Variants in ABL2 observed in about 807,000 individuals in gnomAD.
The protein encoded by ABL2 is ABL proto-oncogene 2, non-receptor tyrosine kinase, also known as tyrosine-protein kinase ABL2.
Under a neutral mutation model 107.7 loss-of-function variants are expected in ABL2, and 49 were observed. The ratio of observed to expected loss-of-function variants is 0.45; its 90% CI spans 0.36 to 0.58. The LOEUF (loss-of-function observed/expected upper bound fraction) is 0.58, where lower values mean the gene tolerates loss of function less well. Among genes scored for constraint, ABL2 ranks in the 20% least tolerant of loss-of-function variants. The pLI, the probability that ABL2 is intolerant of heterozygous loss-of-function variation, is 0.00. For missense variants in ABL2, 1,245 were observed against 1,457.0 expected (o/e 0.85, Z 2.37); for synonymous variants, 549 against 548.6 (o/e 1.00, Z -0.01).
chr1:179,123,712 C>T (rs910806173), intron 4 of ABL2, among the ~76,000 whole-genome samples: 1 of 152,150 alleles, frequency 6.6e-6, no homozygotes, highest in Non-Finnish European at 1.5e-5. Context: ...TCACTGCAGC[C>T]TTGACCTCCC....
chr1:179,133,137 G>A (rs28914509), intron 2 of ABL2, among the ~76,000 whole-genome samples, 175 bp downstream of exon 2: 1,674 of 152,260 alleles, frequency 0.011, 26 homozygotes, highest in African/African-American at 0.038. Flanking sequence ...GATTACAAAC[G>A]TGAGCCACCA....
intron 1 of ABL2, among the ~76,000 whole-genome samples, chr1:179,164,240 C>T (rs536384865): frequency 2.0e-4 from 30 of 152,246 alleles, no homozygotes; most frequent in African/African-American, 5.1e-4. Context: ...TGTTGAAGCA[C>T]ATTTTCATGC....
rs748110886 is a variant in ABL2 at position 179,120,206 on chromosome 1, A to G, written c.1029T>C (p.Asn343=). ...AAVMKEIKHP[N]LVQLLGVCTL... is the part of the protein sequence containing the mutation. ...GTTCCTCACCTAAAAGTTGTACCAG[A>G]TTAGGATGCTTGATTTCCTTCATTA... The change falls in exon 6 of 12, where the codon AAT becomes AAC. Residue 343 remains asparagine, a synonymous_variant. Transcript: ENST00000502732. The G allele has an allele frequency of 6.2e-7, 1 of 1,605,884 alleles. No individual in the cohort carries two copies. The highest frequency in any genetic ancestry group is 8.5e-7 in the Non-Finnish European group (1 of 1,175,620).
At chr1:179,188,174 A>T (rs955698655) in intron 1 of ABL2, among the ~76,000 whole-genome samples, 2 of 152,192 alleles carry the variant, frequency 1.3e-5, no homozygotes, top group African/African-American at 4.8e-5. Context: ...CTCAAAAGCC[A>T]AAAGTTTGAC....
In ABL2 at chr1:179,140,672, A is replaced by C. The variant is rs547016040; in HGVS notation, c.158-7298T>G. 1.2e-4 allele frequency among the ~76,000 whole-genome samples: 19 copies of C among 152,338 alleles called. No homozygotes were observed. In the South Asian group the frequency reaches 3.9e-3, roughly 32 times the overall value. ...TACTCACAGAGGATGCTATGAGAGG[A>C]AAGAATATAAAACAAAACTCTAGAG... On this transcript the variant is annotated intron_variant, in intron 1 of 11. Transcript: ENST00000502732.
intron 1 of ABL2, among the ~76,000 whole-genome samples, chr1:179,156,232 C>G (rs983083012): frequency 6.6e-6 from 1 of 152,166 alleles, no homozygotes; most frequent in African/African-American, 2.4e-5. Flanking sequence ...GTACTGGCTG[C>G]AAGCTATTTC....
intron 1 of ABL2, among the ~76,000 whole-genome samples, chr1:179,203,300 T>C (rs1173363808): frequency 6.6e-6 from 1 of 152,200 alleles, no homozygotes; most frequent in Non-Finnish European, 1.5e-5. Context: ...CTCTCTTCTG[T>C]TGCCTTTGTA....
rs142109618 is a variant in ABL2, at chr1:179,157,017, C to T, written c.158-23643G>A. Reference sequence around the variant, plus strand: ...CAATAAAGCTCATTGTTATCGCTGGCTTTATTTATGAGAGGTAAAAATCAT... The same window carrying T: ...CAATAAAGCTCATTGTTATCGCTGGTTTTATTTATGAGAGGTAAAAATCAT... On this transcript the variant is annotated intron_variant, in intron 1 of 11. Coordinates refer to ENST00000502732, the MANE Select transcript of ABL2 (RefSeq NM_007314.4). Among the ~76,000 whole-genome samples, 188 of 152,166 alleles carry T rather than the reference C, an allele frequency of 1.2e-3. 1 individual carries two copies. Among genetic ancestry groups the T allele is most frequent in the Admixed American group, 8.7e-3 (133 of 15,274 alleles).
At position 179,229,531 on chromosome 1, in the gene ABL2, G is replaced by C; in HGVS notation, c.-134C>G. ...CCTGGCCCTGAGTGGCTGGGCCACC[G>C]GCGGCTCCGCACCCGGCCTCCTCAC... On this transcript the variant is annotated 5_prime_UTR_variant, in exon 1 of 12. Coordinates refer to ENST00000502732, the MANE Select transcript of ABL2 (RefSeq NM_007314.4). 1 of 948,046 alleles carries C rather than the reference G, an allele frequency of 1.1e-6. No homozygotes were observed. Among genetic ancestry groups the C allele is most frequent in the Non-Finnish European group, 1.4e-6 (1 of 699,410 alleles). 58.7% of individuals were successfully genotyped at this position (948,046 alleles called of 1,614,324 possible). A position where few individuals can be genotyped will look rare whatever the true frequency, so the allele number is the denominator to read the frequency against.
Position 179,108,702 on chromosome 1 carries a change from T to A in ABL2, c.2565A>T (p.Arg855Ser). ...TTCTGAGAGGAAGAGCTGTGGCTCCTCTGGGCAATAACTTGGCTTTTGGTC... is the reference window on the plus strand; with the variant it reads ...TTCTGAGAGGAAGAGCTGTGGCTCCACTGGGCAATAACTTGGCTTTTGGTC... ...RERPKAKLLP[R>S]GATALPLRTP... is the part of the protein sequence containing the mutation. The change falls in exon 12 of 12, where the codon AGA becomes AGT. Residue 855 changes from arginine to serine, a missense_variant. Physicochemically the swap from Arg to Ser is moderately radical, Grantham distance 110. This residue lies in a region of ABL2 where 761 missense variants were observed against 766.4 expected (regional missense o/e 0.99). Coordinates refer to ENST00000502732, the MANE Select transcript of ABL2 (RefSeq NM_007314.4). The A allele has an allele frequency of 6.2e-7, 1 of 1,614,160 alleles. No individual in the cohort carries two copies. The highest frequency in any genetic ancestry group is 1.1e-5 in the South Asian group (1 of 91,080).
rs1656314171 is a variant in ABL2, at chr1:179,131,440, C to T, written c.262G>A (p.Ala88Thr). The T allele has an allele frequency of 6.2e-7, 1 of 1,614,042 alleles. No individual in the cohort carries two copies. Among genetic ancestry groups the T allele is most frequent in the Non-Finnish European group, 8.5e-7 (1 of 1,179,948 alleles). ...CTCCACCTGATAGCCTCATTTAGTGCCTGGGGTTCAACATCACAACCATAG... is the reference window on the plus strand; with the variant it reads ...CTCCACCTGATAGCCTCATTTAGTGTCTGGGGTTCAACATCACAACCATAG... ...RPYGCDVEPQALNEAIRWSSK... is the reference protein window; with the variant it reads ...RPYGCDVEPQTLNEAIRWSSK... Residue 88 changes from alanine (A) to threonine (T), a missense_variant, in exon 3 of 12, where the codon GCA becomes ACA. Coordinates refer to ENST00000502732, the MANE Select transcript of ABL2 (RefSeq NM_007314.4).
At chr1:179,178,459 G>A (rs1472183611) in intron 1 of ABL2, among the ~76,000 whole-genome samples, 2 of 148,638 alleles carry the variant, frequency 1.3e-5, no homozygotes, top group African/African-American at 4.9e-5. Flanking sequence ...GCAGATTCAT[G>A]CTCCAGAAAC....
At chr1:179,110,528 G>A in intron 10 of ABL2, 73 bp from the exon 11 acceptor site, 1 of 1,539,530 alleles carries the variant, frequency 6.5e-7, no homozygotes. Flanking sequence ...TTCAGAAAAG[G>A]CACACAACTG....
At chr1:179,191,185 A>T (rs1444944285) in intron 1 of ABL2, among the ~76,000 whole-genome samples, 1 of 152,188 alleles carries the variant, frequency 6.6e-6, no homozygotes, top group Non-Finnish European at 1.5e-5. Context: ...CCAATACTAG[A>T]CTAATGGTCT....
chr1:179,164,260 G>A (rs1428588769), intron 1 of ABL2, among the ~76,000 whole-genome samples: 4 of 152,142 alleles, frequency 2.6e-5, no homozygotes, highest in Non-Finnish European at 5.9e-5. Flanking sequence ...CCAGTTATAT[G>A]TAAATAATAA....
intron 2 of ABL2, among the ~76,000 whole-genome samples, chr1:179,132,088 C>A (rs569785230): frequency 6.6e-6 from 1 of 152,224 alleles, no homozygotes; most frequent in East Asian, 1.9e-4. Flanking sequence ...AAAAAATAAT[C>A]TTTTTTTCGT....
intron 1 of ABL2, among the ~76,000 whole-genome samples, chr1:179,135,621 G>T (rs1370700905): frequency 1.3e-5 from 2 of 151,014 alleles, no homozygotes; most frequent in East Asian, 2.0e-4. Context: ...CCCCCCACCC[G>T]GCCAGCCGCC....
At chr1:179,215,576 A>T (rs1662517794) in intron 1 of ABL2, among the ~76,000 whole-genome samples, 2 of 152,192 alleles carry the variant, frequency 1.3e-5, no homozygotes, top group Admixed American at 1.3e-4. Flanking sequence ...AAAATACAAA[A>T]ATCAGCTGGG....
Position 179,109,268 on chromosome 1 carries a change from T to TG in ABL2, c.1998dup (p.Lys667GlnfsTer15). The stretch of plus-strand genomic sequence containing the variant: ...ATTTCTCGGAAGGAGCTGCTGCGTT[T>TG]GGGGGGTGTAGGAGCATTTCTCTTC... On this transcript the variant is annotated frameshift_variant, in exon 12 of 12. Transcript: ENST00000502732. LOFTEE classifies it high-confidence loss of function. 1 of 1,614,050 alleles carries TG rather than the reference T, an allele frequency of 6.2e-7. No homozygotes were observed. Among genetic ancestry groups the TG allele is most frequent in the Non-Finnish European group, 8.5e-7 (1 of 1,180,002 alleles).
Sources: gnomAD v4.1 joint callset for allele counts (sites outside exome capture counted in the v4.1 genomes callset) on GRCh38, gnomAD v4.1.1 for gene constraint, gnomAD v4.1.1 regional missense constraint, MANE v1.5 for transcripts, NCBI Gene and HGNC (gene_info 2026-07-23, HGNC 2026-07-21) for gene names.